TMEM132C: variants seen among roughly 807,000 people sequenced by gnomAD.
The protein encoded by TMEM132C is protein phosphatase 1, regulatory subunit 152.
In TMEM132C, 29 loss-of-function variants were observed where a neutral mutation model predicts 61.4. That is an observed-to-expected ratio of 0.47 (90% CI 0.35 to 0.64). The LOEUF is 0.64. Ranked by LOEUF, TMEM132C falls within the 30% of genes least tolerant of loss-of-function variation. The pLI is 0.00. For synonymous variants in TMEM132C, 656 were observed against 633.1 expected (o/e 1.04, Z -0.54); for missense variants, 1,408 against 1,476.9 (o/e 0.95, Z 0.76).
chr12:128,563,810 T>C (rs1874603136), intron 3 of TMEM132C, among the ~76,000 whole-genome samples: 1 of 152,182 alleles, frequency 6.6e-6, no homozygotes, highest in East Asian at 1.9e-4. Context: ...TCTCTTGTCT[T>C]AGTTCATTTG....
At chr12:128,467,947 G>A (rs1452232940) in intron 2 of TMEM132C, among the ~76,000 whole-genome samples, 4 of 152,156 alleles carry the variant, frequency 2.6e-5, no homozygotes, top group African/African-American at 7.2e-5. Flanking sequence ...TCAATCAGAC[G>A]GTCATACAGG....
At chr12:128,660,446 C>T (rs1289804406) in intron 4 of TMEM132C, among the ~76,000 whole-genome samples, 2 of 152,276 alleles carry the variant, frequency 1.3e-5, no homozygotes, top group East Asian at 1.9e-4. Flanking sequence ...TTGAGATGTG[C>T]GGCCAACTAG....
chr12:128,398,412 TTTTGTAGTTCATAAGGGTGAACC>T (rs1364419471), intron 1 of TMEM132C, among the ~76,000 whole-genome samples: 2 of 152,236 alleles, frequency 1.3e-5, no homozygotes, highest in Non-Finnish European at 2.9e-5. Context: ...GCCTGGGTCC[TTTTGTAGTTCATAAGGGTGAACC>T]TTTGTAGTTC....
intron 3 of TMEM132C, among the ~76,000 whole-genome samples, chr12:128,547,078 C>A (rs946484750): frequency 2.6e-5 from 4 of 152,206 alleles, no homozygotes; most frequent in African/African-American, 9.6e-5. Flanking sequence ...CCGAGGAGGT[C>A]TGATAGCAAG....
intron 1 of TMEM132C, among the ~76,000 whole-genome samples, chr12:128,412,009 C>T (rs139533979): frequency 5.3e-5 from 8 of 152,216 alleles, no homozygotes; most frequent in East Asian, 1.9e-4. Flanking sequence ...GTACTTTTGT[C>T]CAAAACAAAT....
rs538135565 is a variant in TMEM132C, at chr12:128,569,954, T to C, written c.1121+25851T>C. Among the ~76,000 whole-genome samples, 7 of 152,370 alleles carry C rather than the reference T, an allele frequency of 4.6e-5. No homozygotes were observed. The South Asian group carries it at 1.4e-3, about 32-fold the overall frequency. ...AAGTCTCTTCTGGTCTCCAAGCCCC[T>C]GGATTCTTTCTTTCTTCACTATATT... is the stretch of plus-strand genomic sequence containing the variant. On this transcript the variant is annotated intron_variant, in intron 3 of 8. Coordinates refer to ENST00000435159, the MANE Select transcript of TMEM132C (RefSeq NM_001136103.3).
intron 2 of TMEM132C, among the ~76,000 whole-genome samples, chr12:128,487,970 C>A (rs535547386): frequency 7.9e-5 from 12 of 152,302 alleles, no homozygotes; most frequent in African/African-American, 2.4e-4. Context: ...ATTGCAGTAG[C>A]CACATTTCAG....
chr12:128,404,111 A>G (rs1205511361), intron 1 of TMEM132C, among the ~76,000 whole-genome samples: 1 of 152,234 alleles, frequency 6.6e-6, no homozygotes, highest in Non-Finnish European at 1.5e-5. Context: ...TCTCAAGAAA[A>G]TCACCCTTAA....
At position 128,423,402 on chromosome 12, in the gene TMEM132C, G is replaced by T. The variant is rs570233704; in HGVS notation, c.974+7782G>T. Among the ~76,000 whole-genome samples, 3 of 152,342 alleles carry T rather than the reference G, an allele frequency of 2.0e-5. No individual in the cohort carries two copies. In the East Asian group the frequency reaches 5.8e-4, roughly 29 times the overall value. Reference sequence around the variant, plus strand: ...ACCATGCTGCATGTGCCTAACAGCTGCGTATGCTCTCACCATGTTCCAATA... The same window carrying T: ...ACCATGCTGCATGTGCCTAACAGCTTCGTATGCTCTCACCATGTTCCAATA... On this transcript the variant is annotated intron_variant, in intron 2 of 8. Transcript: ENST00000435159.
At chr12:128,455,146 G>C (rs950393708) in intron 2 of TMEM132C, among the ~76,000 whole-genome samples, 4 of 152,182 alleles carry the variant, frequency 2.6e-5, no homozygotes, top group African/African-American at 9.7e-5. Flanking sequence ...AGAAAAATCT[G>C]AATTTTTGGT....
chr12:128,327,217 T>C (rs934198036), intron 1 of TMEM132C, among the ~76,000 whole-genome samples: 1 of 149,976 alleles, frequency 6.7e-6, no homozygotes, highest in African/African-American at 2.5e-5. Flanking sequence ...GTGATGAAAA[T>C]TAAACAAGGA....
At chr12:128,467,740 G>A (rs1272579833) in intron 2 of TMEM132C, among the ~76,000 whole-genome samples, 7 of 152,146 alleles carry the variant, frequency 4.6e-5, no homozygotes, top group Admixed American at 2.6e-4. Flanking sequence ...CTCAGCTTCC[G>A]ATCAGCTGCA....
Position 128,604,804 on chromosome 12 carries a change from T to TGATAGATG in TMEM132C, c.1122-11345_1122-11344insAGATGGAT, listed in dbSNP as rs61287352. Among the ~76,000 whole-genome samples, 307 of 151,008 alleles carry TGATAGATG rather than the reference T, an allele frequency of 2.0e-3. 2 individuals carry two copies. The highest frequency in any genetic ancestry group is 6.7e-3 in the African/African-American group (276 of 41,062). On this transcript the variant is annotated intron_variant, in intron 3 of 8. Coordinates refer to ENST00000435159, the MANE Select transcript of TMEM132C (RefSeq NM_001136103.3). Reference sequence around the variant, plus strand: ...AGATAATGAATAGATAGTAGATAGATGATGGATGGATGGATGGATGGATAA... The same window carrying TGATAGATG: ...AGATAATGAATAGATAGTAGATAGATGATAGATGGATGGATGGATGGATGGATGGATAA...
chr12:128,698,463 C>A (rs1294258046), intron 8 of TMEM132C, among the ~76,000 whole-genome samples: 2 of 152,210 alleles, frequency 1.3e-5, no homozygotes, highest in African/African-American at 4.8e-5. Context: ...ACAGCTGTGT[C>A]CGTTACCACC....
intron 1 of TMEM132C, among the ~76,000 whole-genome samples, chr12:128,318,024 T>C (rs1375423801): frequency 2.0e-5 from 3 of 152,194 alleles, no homozygotes; most frequent in Non-Finnish European, 1.5e-5. Flanking sequence ...GGACAGTGTA[T>C]GTGAGTTAGT....
chr12:128,468,981 A>C (rs528971755), intron 2 of TMEM132C, among the ~76,000 whole-genome samples: 4 of 152,196 alleles, frequency 2.6e-5, no homozygotes, highest in Non-Finnish European at 5.9e-5. Flanking sequence ...ATTTCCTTCT[A>C]GTTCTCTAAC....
intron 4 of TMEM132C, among the ~76,000 whole-genome samples, chr12:128,627,387 C>T (rs550791893): frequency 2.6e-5 from 4 of 152,274 alleles, no homozygotes; most frequent in African/African-American, 7.2e-5. Context: ...TGATCATTAT[C>T]TGACATTATC....
intron 4 of TMEM132C, among the ~76,000 whole-genome samples, chr12:128,653,388 A>G (rs1954292715): frequency 6.6e-6 from 1 of 152,192 alleles, no homozygotes. Context: ...TGTGCATCGT[A>G]TGGTGTTTGA....
Position 128,606,140 on chromosome 12 carries a change from A to C in TMEM132C, c.1122-10012A>C, listed in dbSNP as rs564845109. Among the ~76,000 whole-genome samples, 8 of 152,362 alleles carry C rather than the reference A, an allele frequency of 5.3e-5. No homozygotes were observed. In the East Asian group the frequency reaches 1.4e-3, roughly 26 times the overall value. On this transcript the variant is annotated intron_variant, in intron 3 of 8. Coordinates refer to ENST00000435159, the MANE Select transcript of TMEM132C (RefSeq NM_001136103.3). ...CCTCTGAGGCCTTCTCAGCAACTGCACTTCCTGAAGTGTGACCTAATTTAG... is the reference window on the plus strand; with the variant it reads ...CCTCTGAGGCCTTCTCAGCAACTGCCCTTCCTGAAGTGTGACCTAATTTAG...
Sources: gnomAD v4.1 joint callset for allele counts (sites outside exome capture counted in the v4.1 genomes callset) on GRCh38, gnomAD v4.1.1 for gene constraint, MANE v1.5 for transcripts, NCBI Gene and HGNC (gene_info 2026-07-23, HGNC 2026-07-21) for gene names.